Variants in NRG3 observed in about 807,000 individuals in gnomAD.
NRG3 encodes the protein pro-neuregulin-3, membrane-bound isoform.
Under a neutral mutation model 66.9 loss-of-function variants are expected in NRG3, and 31 were observed. The ratio of observed to expected loss-of-function variants is 0.46; its 90% CI spans 0.35 to 0.63. NRG3 has a LOEUF of 0.63. Ranked by LOEUF, NRG3 falls within the 20% of genes least tolerant of loss-of-function variation. NRG3 has a pLI of 0.00. For synonymous variants in NRG3, 393 were observed against 359.4 expected (o/e 1.09, Z -1.06); for missense variants, 910 against 878.9 (o/e 1.04, Z -0.45).
intron 1 of NRG3, among the ~76,000 whole-genome samples, chr10:82,022,846 G>T (rs1252249570): frequency 6.6e-6 from 1 of 151,552 alleles, no homozygotes; most frequent in East Asian, 1.9e-4. Context: ...GTGAATACAG[G>T]TTGAAATGCT....
intron 1 of NRG3, among the ~76,000 whole-genome samples, chr10:82,246,396 C>T (rs2134050398): frequency 6.6e-6 from 1 of 152,200 alleles, no homozygotes; most frequent in South Asian, 2.1e-4. Flanking sequence ...TTTGAATTTT[C>T]TCCAGGAAGC....
At chr10:82,195,587 G>T (rs1589275909) in intron 1 of NRG3, among the ~76,000 whole-genome samples, 1 of 152,096 alleles carries the variant, frequency 6.6e-6, no homozygotes, top group Admixed American at 6.6e-5. Flanking sequence ...GTCTGAATAT[G>T]GTGGGAGGAT....
chr10:82,516,597 C>A (rs1845687123), intron 2 of NRG3, among the ~76,000 whole-genome samples: 1 of 152,090 alleles, frequency 6.6e-6, no homozygotes, highest in Non-Finnish European at 1.5e-5. Context: ...GTCAAAGTAA[C>A]CCATAATAAT....
At chr10:82,114,139 G>A (rs1036888789) in intron 1 of NRG3, among the ~76,000 whole-genome samples, 1 of 152,048 alleles carries the variant, frequency 6.6e-6, no homozygotes, top group Non-Finnish European at 1.5e-5. Flanking sequence ...AGGATCATTC[G>A]TCTATCATCA....
chr10:81,944,096 C>G (rs1848632419), intron 1 of NRG3, among the ~76,000 whole-genome samples: 1 of 152,178 alleles, frequency 6.6e-6, no homozygotes, highest in South Asian at 2.1e-4. Context: ...TTTCTGTTCA[C>G]CAGACACGCC....
intron 1 of NRG3, among the ~76,000 whole-genome samples, chr10:82,236,860 C>G (rs1016382787): frequency 6.6e-6 from 1 of 151,868 alleles, no homozygotes; most frequent in South Asian, 2.1e-4. Context: ...GGACTACAGA[C>G]GCCCACCACA....
intron 2 of NRG3, among the ~76,000 whole-genome samples, chr10:82,694,977 G>A (rs1193334314): frequency 6.6e-6 from 1 of 151,800 alleles, no homozygotes; most frequent in Non-Finnish European, 1.5e-5. Flanking sequence ...TCATTTTAAG[G>A]CAGCCATTTT....
chr10:82,666,215 C>T (rs1489251743), intron 2 of NRG3, among the ~76,000 whole-genome samples: 1 of 152,076 alleles, frequency 6.6e-6, no homozygotes, highest in Non-Finnish European at 1.5e-5. Context: ...GTTCTCAGGC[C>T]CCCTTCATAA....
chr10:82,469,992 A>G (rs1841091361), intron 2 of NRG3, among the ~76,000 whole-genome samples: 1 of 152,136 alleles, frequency 6.6e-6, no homozygotes, highest in South Asian at 2.1e-4. Flanking sequence ...TTGTACAAAA[A>G]ACTTGCCGTG....
chr10:82,214,062 A>T (rs964528997), intron 1 of NRG3, among the ~76,000 whole-genome samples: 2 of 152,170 alleles, frequency 1.3e-5, no homozygotes, highest in African/African-American at 4.8e-5. Context: ...TTGGAAAGGG[A>T]ACATTCTGTT....
intron 1 of NRG3, among the ~76,000 whole-genome samples, 154 bp downstream of exon 1, chr10:81,876,317 G>C (rs534367249): frequency 6.6e-6 from 1 of 152,328 alleles, no homozygotes; most frequent in East Asian, 1.9e-4. Context: ...GGCCACCAGC[G>C]GGGAAGAAGG....
At chr10:82,981,536 G>T (rs561842546) in intron 8 of NRG3, among the ~76,000 whole-genome samples, 5 of 152,290 alleles carry the variant, frequency 3.3e-5, no homozygotes, top group Non-Finnish European at 7.4e-5. Flanking sequence ...CCTGGAGGAG[G>T]GGGAAATGAA....
intron 2 of NRG3, among the ~76,000 whole-genome samples, chr10:82,521,989 T>C (rs1846233153): frequency 1.3e-5 from 2 of 151,710 alleles, no homozygotes; most frequent in South Asian, 4.2e-4. Context: ...CCCCTAACTC[T>C]AGTTTTGTTG....
At chr10:82,127,649 C>A (rs916285446) in intron 1 of NRG3, among the ~76,000 whole-genome samples, 2 of 152,016 alleles carry the variant, frequency 1.3e-5, no homozygotes, top group African/African-American at 4.8e-5. Flanking sequence ...GTGTGCCACC[C>A]TTTCCTTCTT....
intron 3 of NRG3, among the ~76,000 whole-genome samples, chr10:82,755,512 T>C (rs1302256515): frequency 6.6e-6 from 1 of 152,098 alleles, no homozygotes; most frequent in Non-Finnish European, 1.5e-5. Flanking sequence ...ATCCTATTTC[T>C]AGCTGAAGCT....
intron 2 of NRG3, among the ~76,000 whole-genome samples, chr10:82,431,572 A>G (rs1385338984): frequency 6.6e-6 from 1 of 152,178 alleles, no homozygotes; most frequent in East Asian, 1.9e-4. Flanking sequence ...AGGGAGGAGT[A>G]GGTTTTCAAA....
intron 1 of NRG3, among the ~76,000 whole-genome samples, chr10:82,102,113 C>CATATATATAT (rs768945621): frequency 1.3e-3 from 111 of 85,976 alleles, no homozygotes; most frequent in African/African-American, 4.6e-3. Flanking sequence ...TATGTGTATT[C>CATATATATAT]ATATATATAT....
At chr10:82,857,811 C>T (rs2063891978) in intron 3 of NRG3, among the ~76,000 whole-genome samples, 1 of 152,126 alleles carries the variant, frequency 6.6e-6, no homozygotes, top group African/African-American at 2.4e-5. Context: ...TATTTAGTGA[C>T]TTAGCGTAAT....
At chr10:82,642,345 A>T (rs1328904638) in intron 2 of NRG3, among the ~76,000 whole-genome samples, 1 of 151,926 alleles carries the variant, frequency 6.6e-6, no homozygotes, top group South Asian at 2.1e-4. Context: ...CAATTTTCCA[A>T]CTCTAAATTA....
Sources: gnomAD v4.1 joint callset for allele counts (sites outside exome capture counted in the v4.1 genomes callset) on GRCh38, gnomAD v4.1.1 for gene constraint, MANE v1.5 for transcripts, NCBI Gene and HGNC (gene_info 2026-07-23, HGNC 2026-07-21) for gene names.